Variants in DDX6 observed in about 807,000 individuals in gnomAD.
The protein encoded by DDX6 is DEAD-box helicase 6.
A neutral mutation model predicts 60.6 loss-of-function variants in DDX6; 7 were observed. The ratio of observed to expected loss-of-function variants is 0.12; its 90% CI spans 0.07 to 0.22. The LOEUF is 0.22. DDX6 is among the 10% of genes least tolerant of loss of function. The pLI is 1.00. For missense variants in DDX6, 270 were observed against 589.9 expected (o/e 0.46, Z 5.62); for synonymous variants, 207 against 201.0 (o/e 1.03, Z -0.25).
chr11:118,777,360 T>C (rs1861735316), intron 4 of DDX6, among the ~76,000 whole-genome samples: 1 of 152,154 alleles, frequency 6.6e-6, no homozygotes, highest in African/African-American at 2.4e-5. Context: ...AACTGGCCTA[T>C]GTATAATGCA....
intron 2 of DDX6, among the ~76,000 whole-genome samples, 190 bp from the exon 3 acceptor site, chr11:118,781,374 T>C (rs1457415450): frequency 1.3e-5 from 2 of 152,090 alleles, no homozygotes; most frequent in Non-Finnish European, 2.9e-5. Flanking sequence ...GATAAAAAAA[T>C]CAAGAACAGA....
intron 2 of DDX6, among the ~76,000 whole-genome samples, chr11:118,782,920 T>C (rs540180): frequency 9.2e-5 from 14 of 151,978 alleles, no homozygotes; most frequent in African/African-American, 3.4e-4. Context: ...GTGAGCCACC[T>C]CACCCGGCCT....
chr11:118,756,158 G>A, intron 11 of DDX6, 102 bp downstream of exon 11: 3 of 819,476 alleles, frequency 3.7e-6, no homozygotes, highest in South Asian at 3.0e-5. Context: ...GTGGTAGGGT[G>A]TGTCGGACTA....
At chr11:118,761,259 T>C (rs782504003) in intron 7 of DDX6, among the ~76,000 whole-genome samples, 3 of 152,230 alleles carry the variant, frequency 2.0e-5, no homozygotes, top group Admixed American at 6.5e-5. Context: ...AACTCTAAAA[T>C]TGTAAAACTA....
intron 4 of DDX6, among the ~76,000 whole-genome samples, chr11:118,769,754 G>A (rs1240298356): frequency 1.3e-5 from 2 of 152,120 alleles, no homozygotes; most frequent in East Asian, 3.8e-4. Flanking sequence ...GCCCAGGCTG[G>A]AGTGCAGTGG....
intron 9 of DDX6, among the ~76,000 whole-genome samples, chr11:118,757,752 G>A (rs1252442017): frequency 6.6e-6 from 1 of 151,992 alleles, no homozygotes; most frequent in East Asian, 1.9e-4. Context: ...CACAATGCCT[G>A]GCTAACTTTT....
rs1204976892 is a variant in DDX6, at chr11:118,748,390, C to T, written c.*3715G>A. On this transcript the variant is annotated 3_prime_UTR_variant, in exon 14 of 14. Coordinates refer to ENST00000534980, the MANE Select transcript of DDX6 (RefSeq NM_004397.6). ...TTCTTTGGGAGTTTTAAAAAACTAT[C>T]TTTAGATTTAGAGATACAAAGTACA... The T allele has an allele frequency of 6.6e-6, 1 of 152,110 alleles. No individual in the cohort carries two copies. Among genetic ancestry groups the T allele is most frequent in the Non-Finnish European group, 1.5e-5 (1 of 68,014 alleles). The allele number at this position is 152,110 out of a possible 1,614,324, so 9.4% of individuals were successfully genotyped here. A position where few individuals can be genotyped will look rare whatever the true frequency, so the allele number is the denominator to read the frequency against.
intron 4 of DDX6, among the ~76,000 whole-genome samples, chr11:118,771,800 T>C (rs1242071381): frequency 6.6e-6 from 1 of 152,232 alleles, no homozygotes; most frequent in African/African-American, 2.4e-5. Context: ...ACATAACATG[T>C]AGGCAAGAAG....
chr11:118,781,398 T>A (rs1055944788), intron 2 of DDX6, among the ~76,000 whole-genome samples: 2 of 152,240 alleles, frequency 1.3e-5, no homozygotes, highest in African/African-American at 2.4e-5. Context: ...GATTAAGGCA[T>A]CCATCCTCTT....
chr11:118,783,303 G>T (rs1158816237), intron 2 of DDX6, among the ~76,000 whole-genome samples: 3 of 152,154 alleles, frequency 2.0e-5, no homozygotes, highest in Admixed American at 6.6e-5. Flanking sequence ...TTGAGATGGG[G>T]TCTTACCCTG....
intron 1 of DDX6, chr11:118,790,267 C>T (rs1862225799): frequency 6.6e-6 from 1 of 152,096 alleles, no homozygotes; most frequent in South Asian, 2.1e-4. Context: ...GCCCCAAACA[C>T]ACACACTTCT....
intron 4 of DDX6, among the ~76,000 whole-genome samples, chr11:118,772,081 G>T (rs1861552981): frequency 6.6e-6 from 1 of 152,062 alleles, no homozygotes; most frequent in African/African-American, 2.4e-5. Flanking sequence ...TTAAAGCAGG[G>T]TCAGTTCCTA....
chr11:118,766,768 G>C (rs1161282068), intron 5 of DDX6, among the ~76,000 whole-genome samples: 1 of 150,556 alleles, frequency 6.6e-6, no homozygotes, highest in Non-Finnish European at 1.5e-5. Flanking sequence ...TAGTAGAGAC[G>C]GGGATTCATC....
chr11:118,767,445 T>C (rs1861390787), intron 5 of DDX6, among the ~76,000 whole-genome samples: 1 of 152,112 alleles, frequency 6.6e-6, no homozygotes, highest in African/African-American at 2.4e-5. Context: ...ACATTGAATA[T>C]AACTATGAAA....
intron 4 of DDX6, among the ~76,000 whole-genome samples, chr11:118,774,325 A>G (rs1555163211): frequency 6.6e-6 from 1 of 152,188 alleles, no homozygotes. Context: ...TACTGGCCAC[A>G]GCATCCAGAC....
At chr11:118,769,682 G>GT (rs142556126) in intron 4 of DDX6, among the ~76,000 whole-genome samples, 131,298 of 152,120 alleles carry the variant, frequency 0.86, 56,852 homozygotes, top group East Asian at 1. Flanking sequence ...CTTGATCGTT[G>GT]AAAAATTGTT....
intron 4 of DDX6, among the ~76,000 whole-genome samples, chr11:118,774,607 A>G (rs1861640227): frequency 6.6e-6 from 1 of 151,088 alleles, no homozygotes; most frequent in Non-Finnish European, 1.5e-5. Context: ...TAATTTTTGT[A>G]CAGTCAGGGT....
At chr11:118,780,141 A>G (rs954353481) in intron 3 of DDX6, among the ~76,000 whole-genome samples, 2 of 143,576 alleles carry the variant, frequency 1.4e-5, no homozygotes, top group Non-Finnish European at 3.1e-5. Context: ...AAAAAAAAAA[A>G]GGAAAGAAAA....
At position 118,758,766 on chromosome 11, in the gene DDX6, C is replaced by T; in HGVS notation, c.993+8G>A. 6.2e-7 allele frequency: 1 copy of T among 1,613,070 alleles called. No homozygotes were observed. The highest frequency in any genetic ancestry group is 8.5e-7 in the Non-Finnish European group (1 of 1,179,554). On this transcript the variant is annotated splice_region_variant and intron_variant, in intron 9 of 13. Coordinates refer to ENST00000534980, the MANE Select transcript of DDX6 (RefSeq NM_004397.6). ...GATAATATTCAACAGCAGAAGCCTA[C>T]TTCTTACCCTGGAGAAAAGTGTGTT...
Sources: allele counts gnomAD v4.1 joint callset (sites outside exome capture counted in the v4.1 genomes callset), GRCh38; gene constraint gnomAD v4.1.1; transcripts MANE v1.5; gene names NCBI Gene and HGNC (gene_info 2026-07-23, HGNC 2026-07-21).